Variants in THRAP3 observed in about 807,000 individuals in gnomAD.
The protein encoded by THRAP3 is thyroid hormone receptor associated protein 3, also known as thyroid hormone receptor-associated protein 3.
In THRAP3, 16 loss-of-function variants were observed where a neutral mutation model predicts 101.0. The observed-to-expected ratio is 0.16, with a 90% CI of 0.11 to 0.24. THRAP3 has a LOEUF of 0.24. Ranked by LOEUF, THRAP3 falls within the 10% of genes least tolerant of loss-of-function variation. THRAP3 has a pLI of 1.00. For missense variants in THRAP3, 989 were observed against 1,202.7 expected, an observed-to-expected ratio of 0.82 and a Z score of 2.63; for synonymous variants, 407 against 422.6, an observed-to-expected ratio of 0.96 and a Z score of 0.45.
At chr1:36,289,870 C>A in intron 5 of THRAP3, 106 bp downstream of exon 5, 1 of 1,420,718 alleles carries the variant, frequency 7.0e-7, no homozygotes, top group Non-Finnish European at 9.3e-7. Context: ...CTGTCTTAAG[C>A]TTCAGTGGTG....
upstream of THRAP3, among the ~76,000 whole-genome samples, chr1:36,221,703 C>T (rs1400265035): frequency 4.6e-5 from 7 of 152,322 alleles, no homozygotes; most frequent in South Asian, 2.1e-4. Flanking sequence ...CGTGCCTCAA[C>T]ATCCCGAGTA....
At chr1:36,212,515 C>A in the THRAP3 span, among the ~76,000 whole-genome samples, 13,807 of 149,488 alleles carry the variant, frequency 0.092, 1,344 homozygotes, top group African/African-American at 0.25. Context: ...CCACCTCCTG[C>A]GTTCGAGCGA....
At position 36,304,054 on chromosome 1, in the gene THRAP3, A is replaced by T. The variant is rs1646064790; in HGVS notation, c.*37A>T. 1.4e-6 allele frequency: 2 copies of T among 1,463,578 alleles called. No individual in the cohort carries two copies. The highest frequency in any genetic ancestry group is 1.4e-5 in the African/African-American group (1 of 70,098). The allele number at this position is 1,463,578 out of a possible 1,614,324, so 90.7% of individuals were successfully genotyped here. ...GACGGGATTCCTGCCCAGGGGAGAGAGGCGCTGGGAAGATGGCTGGTGAGG... is the reference window on the plus strand; with the variant it reads ...GACGGGATTCCTGCCCAGGGGAGAGTGGCGCTGGGAAGATGGCTGGTGAGG... On this transcript the variant is annotated 3_prime_UTR_variant, in exon 12 of 12. Transcript: ENST00000354618.
intron 3 of THRAP3, among the ~76,000 whole-genome samples, chr1:36,283,177 TACTA>T (rs1337002344): frequency 1.3e-5 from 2 of 152,236 alleles, no homozygotes; most frequent in South Asian, 2.1e-4. Context: ...ATGTGCCAAT[TACTA>T]ACAAGCTGCA....
chr1:36,233,539 G>C (rs529647096), intron 1 of THRAP3, among the ~76,000 whole-genome samples: 3 of 151,358 alleles, frequency 2.0e-5, no homozygotes, highest in East Asian at 3.9e-4. Flanking sequence ...TTGATTTAAG[G>C]CTGGGCACAG....
At chr1:36,278,062 CTT>C (rs57646478) in intron 2 of THRAP3, among the ~76,000 whole-genome samples, 24 of 110,722 alleles carry the variant, frequency 2.2e-4, no homozygotes, top group African/African-American at 7.6e-4. Flanking sequence ...CCCAGCCCCC[CTT>C]TTTTTTTTTT....
intron 10 of THRAP3, 74 bp from the exon 11 acceptor site, chr1:36,301,479 A>C: frequency 6.4e-7 from 1 of 1,553,340 alleles, no homozygotes. Flanking sequence ...AAAATGTTTG[A>C]ACAAAAAGCA....
At chr1:36,269,466 ACTT>A (rs1381820711) in intron 2 of THRAP3, among the ~76,000 whole-genome samples, 1 of 152,164 alleles carries the variant, frequency 6.6e-6, no homozygotes, top group Admixed American at 6.5e-5. Flanking sequence ...ATTTTGGACT[ACTT>A]CATGTCCTGT....
At chr1:36,234,835 G>A (rs1645067053) in intron 1 of THRAP3, among the ~76,000 whole-genome samples, 1 of 99,190 alleles carries the variant, frequency 1.0e-5, no homozygotes, top group Non-Finnish European at 1.9e-5. Flanking sequence ...TTTTTTTTGA[G>A]ATAGAGTCTC....
upstream of THRAP3, among the ~76,000 whole-genome samples, chr1:36,219,464 G>A (rs1217717456): frequency 1.3e-5 from 2 of 152,066 alleles, no homozygotes; most frequent in African/African-American, 4.8e-5. Flanking sequence ...TCACTCTGTT[G>A]CCTAGACTGG....
chr1:36,262,667 T>G (rs1645460987), intron 2 of THRAP3, among the ~76,000 whole-genome samples: 1 of 152,232 alleles, frequency 6.6e-6, no homozygotes, highest in Admixed American at 6.5e-5. Context: ...TCTCAGTTTC[T>G]TCAATTAGAA....
intron 4 of THRAP3, 151 bp from the exon 5 acceptor site, chr1:36,288,909 C>T (rs1312291525): frequency 1.2e-5 from 16 of 1,288,496 alleles, no homozygotes; most frequent in Admixed American, 1.1e-4. Context: ...GAAATTATTA[C>T]GAAGTAACCG....
intron 3 of THRAP3, among the ~76,000 whole-genome samples, chr1:36,285,378 T>G (rs1645782406): frequency 1.3e-5 from 2 of 151,782 alleles, no homozygotes; most frequent in Non-Finnish European, 2.9e-5. Context: ...CCCCAATGGG[T>G]TTTTACACCA....
the THRAP3 span, among the ~76,000 whole-genome samples, chr1:36,217,939 A>G: frequency 6.6e-6 from 1 of 152,196 alleles, no homozygotes; most frequent in East Asian, 1.9e-4. Context: ...CTAACTGTTC[A>G]TGTCTCTCAC....
At position 36,284,230 on chromosome 1, in the gene THRAP3, C is replaced by G. The variant is rs187718573; in HGVS notation, c.137+1530C>G. ...TCCGGGCAGTTCTTTTCTCCTTGTT[C>G]TGCAAATCATTTGGCACTTGCTCAC... On this transcript the variant is annotated intron_variant, in intron 3 of 11. Transcript: ENST00000354618. Among the ~76,000 whole-genome samples the G allele has an allele frequency of 2.9e-4, 44 of 152,288 alleles. 1 individual carries two copies. Among genetic ancestry groups the G allele is most frequent in the Admixed American group, 2.6e-3 (39 of 15,288 alleles).
chr1:36,290,904 C>G (rs1285114167), intron 5 of THRAP3, among the ~76,000 whole-genome samples: 3 of 152,306 alleles, frequency 2.0e-5, no homozygotes, highest in East Asian at 3.9e-4. Flanking sequence ...GAACAGCATT[C>G]CAGCCACACC....
At chr1:36,227,637 A>G (rs1644976811) in intron 1 of THRAP3, among the ~76,000 whole-genome samples, 2 of 152,156 alleles carry the variant, frequency 1.3e-5, no homozygotes, top group Admixed American at 6.6e-5. Context: ...ATGTTTTAAA[A>G]TCATTTCACA....
intron 1 of THRAP3, among the ~76,000 whole-genome samples, chr1:36,250,318 A>G (rs1037556459): frequency 6.6e-6 from 1 of 151,524 alleles, no homozygotes; most frequent in African/African-American, 2.4e-5. Context: ...GGTTCAAGCA[A>G]TTCTTCTGCC....
intron 1 of THRAP3, among the ~76,000 whole-genome samples, chr1:36,248,571 G>GCTAGGA (rs995012020): frequency 6.6e-6 from 1 of 151,432 alleles, no homozygotes; most frequent in Non-Finnish European, 1.5e-5. Context: ...CTCCCGAGTA[G>GCTAGGA]CTAGGACTAC....
Sources: allele counts gnomAD v4.1 joint callset (sites outside exome capture counted in the v4.1 genomes callset), GRCh38; gene constraint gnomAD v4.1.1; transcripts MANE v1.5; gene names NCBI Gene and HGNC (gene_info 2026-07-23, HGNC 2026-07-21).